FOXP1: variants seen among roughly 807,000 people sequenced by gnomAD.
FOXP1 encodes forkhead box P1, also known as forkhead box protein P1.
FOXP1 carries 15 observed loss-of-function variants against 98.2 expected under a neutral mutation model. That is an observed-to-expected ratio of 0.15 (90% CI 0.10 to 0.24). The LOEUF (loss-of-function observed/expected upper bound fraction) is 0.24, where lower values mean the gene tolerates loss of function less well. Among genes scored for constraint, FOXP1 ranks in the 10% least tolerant of loss-of-function variants. FOXP1 has a pLI of 1.00. For synonymous variants in FOXP1, 371 were observed against 314.5 expected, an observed-to-expected ratio of 1.18 and a Z score of -1.90; for missense variants, 633 against 848.5, an observed-to-expected ratio of 0.75 and a Z score of 3.15.
intron 3 of FOXP1, among the ~76,000 whole-genome samples, chr3:71,372,266 C>T (rs1225845049): frequency 6.6e-6 from 1 of 151,668 alleles, no homozygotes; most frequent in Non-Finnish European, 1.5e-5. Flanking sequence ...AGGTGATCCG[C>T]CCGTCTCAGC....
intron 3 of FOXP1, among the ~76,000 whole-genome samples, chr3:71,381,009 TAA>T (rs567608749): frequency 8.5e-5 from 13 of 152,190 alleles, no homozygotes; most frequent in Non-Finnish European, 1.8e-4. Flanking sequence ...ATTTTGGAAA[TAA>T]GAGTAGCACA....
At chr3:71,026,932 T>A (rs2046201330) in intron 11 of FOXP1, among the ~76,000 whole-genome samples, 1 of 152,094 alleles carries the variant, frequency 6.6e-6, no homozygotes, top group African/African-American at 2.4e-5. Flanking sequence ...AGTGAAGGAA[T>A]AAATAAAGGA....
intron 12 of FOXP1, among the ~76,000 whole-genome samples, chr3:71,002,782 T>A (rs1173097572): frequency 2.0e-5 from 3 of 152,140 alleles, no homozygotes; most frequent in African/African-American, 7.2e-5. Flanking sequence ...GTTCAAGAGA[T>A]CCCAAGAGAC....
chr3:71,407,118 T>C (rs2082404056), intron 3 of FOXP1, among the ~76,000 whole-genome samples: 1 of 152,176 alleles, frequency 6.6e-6, no homozygotes, highest in Admixed American at 6.5e-5. Context: ...ACTCTGTTTC[T>C]TGCATTGGGA....
chr3:70,966,981 G>T (rs561857736), intron 19 of FOXP1, among the ~76,000 whole-genome samples: 1 of 152,316 alleles, frequency 6.6e-6, no homozygotes, highest in East Asian at 1.9e-4. Flanking sequence ...CATCCAGGTG[G>T]TGATTACGAC....
At chr3:71,212,538 G>A (rs986260518) in intron 5 of FOXP1, among the ~76,000 whole-genome samples, 1 of 152,152 alleles carries the variant, frequency 6.6e-6, no homozygotes, top group Non-Finnish European at 1.5e-5. Context: ...CTCCAACAAT[G>A]AGCCTCCCAT....
At chr3:71,100,925 GAGC>G (rs2056900523) in intron 7 of FOXP1, among the ~76,000 whole-genome samples, 1 of 152,162 alleles carries the variant, frequency 6.6e-6, no homozygotes, top group Non-Finnish European at 1.5e-5. Flanking sequence ...CGGTTCTGAA[GAGC>G]AGAATGACAT....
At chr3:71,179,413 A>G (rs571263058) in intron 6 of FOXP1, among the ~76,000 whole-genome samples, 78 of 152,264 alleles carry the variant, frequency 5.1e-4, no homozygotes, top group African/African-American at 1.8e-3. Context: ...AGTCTTAACA[A>G]TAACTGTTTA....
At chr3:71,407,835 G>A (rs2082459306) in intron 3 of FOXP1, among the ~76,000 whole-genome samples, 1 of 152,106 alleles carries the variant, frequency 6.6e-6, no homozygotes. Context: ...AATCCATAAG[G>A]AAAAGGTTCC....
chr3:71,369,832 A>C (rs2079174060), intron 3 of FOXP1, among the ~76,000 whole-genome samples: 1 of 152,186 alleles, frequency 6.6e-6, no homozygotes, highest in Non-Finnish European at 1.5e-5. Context: ...GTACCACCAC[A>C]TGCCAGACAC....
intron 5 of FOXP1, among the ~76,000 whole-genome samples, chr3:71,259,331 T>C (rs558026514): frequency 2.0e-5 from 3 of 152,296 alleles, no homozygotes; most frequent in Admixed American, 6.5e-5. Context: ...TAGAAAATAG[T>C]GTCAGCTGCA....
chr3:71,056,958 CAGTACCAGCGAGAGGCT>C (rs1245380236), intron 7 of FOXP1, among the ~76,000 whole-genome samples: 1 of 152,208 alleles, frequency 6.6e-6, no homozygotes, highest in African/African-American at 2.4e-5. Context: ...AAAGGGCATG[CAGTACCAGCGAGAGGCT>C]ATTACAGCCC....
chr3:70,977,360 TTAATTCTAGGGATCAGAGA>T (rs1213087153), intron 16 of FOXP1, among the ~76,000 whole-genome samples: 1 of 152,224 alleles, frequency 6.6e-6, no homozygotes, highest in Non-Finnish European at 1.5e-5. Flanking sequence ...AGAGCTCAGA[TTAATTCTAGGGATCAGAGA>T]TTACTGTAGC....
At chr3:71,305,548 C>G (rs1397006373) in intron 4 of FOXP1, 4 of 152,210 alleles carry the variant, frequency 2.6e-5, no homozygotes, top group African/African-American at 7.2e-5. Flanking sequence ...GTCTTAGACA[C>G]TGTTTGAAGG....
intron 7 of FOXP1, among the ~76,000 whole-genome samples, chr3:71,110,299 A>G (rs2057805801): frequency 6.6e-6 from 1 of 152,236 alleles, no homozygotes; most frequent in Non-Finnish European, 1.5e-5. Context: ...CATAAAAAAA[A>G]TCACAAATGA....
At chr3:70,975,852 G>A (rs2037384389) in intron 17 of FOXP1, among the ~76,000 whole-genome samples, 1 of 152,128 alleles carries the variant, frequency 6.6e-6, no homozygotes, top group Non-Finnish European at 1.5e-5. Flanking sequence ...ATATAAGGGA[G>A]TAAATACCAG....
intron 4 of FOXP1, among the ~76,000 whole-genome samples, chr3:71,356,213 C>CAAAAAAAA (rs3064928): frequency 1.3e-5 from 1 of 75,352 alleles, no homozygotes. Flanking sequence ...CTGACTAAGT[C>CAAAAAAAA]AAAAAAAAAA....
chr3:70,994,904 T>A (rs951576992), intron 13 of FOXP1, among the ~76,000 whole-genome samples: 1 of 152,204 alleles, frequency 6.6e-6, no homozygotes, highest in Non-Finnish European at 1.5e-5. Context: ...AGAAAAAATA[T>A]ACAGCAGTTT....
chr3:71,325,211 C>T (rs2075618691), intron 4 of FOXP1, among the ~76,000 whole-genome samples: 1 of 152,116 alleles, frequency 6.6e-6, no homozygotes, highest in Admixed American at 6.6e-5. Context: ...AACCACCACA[C>T]CCGGATAATT....
Sources: gnomAD v4.1 joint callset for allele counts (sites outside exome capture counted in the v4.1 genomes callset) on GRCh38, gnomAD v4.1.1 for gene constraint, MANE v1.5 for transcripts, NCBI Gene and HGNC (gene_info 2026-07-23, HGNC 2026-07-21) for gene names.